The following CCDC88C variants were observed in gnomAD, a reference collection of about 807,000 sequenced individuals.
The protein encoded by CCDC88C is protein Daple.
CCDC88C carries 131 observed loss-of-function variants against 198.8 expected under a neutral mutation model. The ratio of observed to expected loss-of-function variants is 0.66; its 90% CI spans 0.57 to 0.76. The LOEUF is 0.76. Among genes scored for constraint, CCDC88C ranks in the 30% least tolerant of loss-of-function variants. CCDC88C has a pLI of 0.00. For missense variants in CCDC88C, 2,553 were observed against 2,631.6 expected, an observed-to-expected ratio of 0.97 and a Z score of 0.65; for synonymous variants, 1,166 against 1,114.7, an observed-to-expected ratio of 1.05 and a Z score of -0.92.
chr14:91,279,415 C>G, intron 27 of CCDC88C, 109 bp from the exon 28 acceptor site: 1 of 881,756 alleles, frequency 1.1e-6, no homozygotes, highest in South Asian at 1.8e-5. Flanking sequence ...CAAAGCTAAG[C>G]CCAACGCCCT....
At chr14:91,374,216 G>A (rs146921325) in intron 3 of CCDC88C, among the ~76,000 whole-genome samples, 109 of 152,256 alleles carry the variant, frequency 7.2e-4, no homozygotes, top group African/African-American at 2.5e-3. Flanking sequence ...ACTTTATTTC[G>A]AACAGCAATA....
intron 4 of CCDC88C, among the ~76,000 whole-genome samples, chr14:91,343,943 C>T (rs147759639): frequency 5.9e-5 from 9 of 152,146 alleles, no homozygotes; most frequent in African/African-American, 2.2e-4. Context: ...ACCTCAGCCT[C>T]CCTAGTAGCT....
intron 10 of CCDC88C, among the ~76,000 whole-genome samples, chr14:91,326,343 G>A (rs1340220906): frequency 6.6e-6 from 1 of 152,180 alleles, no homozygotes; most frequent in African/African-American, 2.4e-5. Flanking sequence ...CTCCCAAGTA[G>A]CTGCAATTAC....
At chr14:91,287,763 T>C (rs898598960) in intron 25 of CCDC88C, among the ~76,000 whole-genome samples, 6 of 151,738 alleles carry the variant, frequency 4.0e-5, no homozygotes, top group African/African-American at 7.3e-5. Flanking sequence ...TTCAGTGTTA[T>C]ATCCTCCGCC....
rs1413375349 is a variant in CCDC88C, at chr14:91,307,122, C to T, written c.3111G>A (p.Gly1037=). ...PAGKTAASHQ[G]KEAWGPGHKE... ...TATGGCCGGGCCCCCAGGCCTCCTTCCCCTGGTGACTGGCGGCTGTCTTCC... is the reference window on the plus strand; with the variant it reads ...TATGGCCGGGCCCCCAGGCCTCCTTTCCCTGGTGACTGGCGGCTGTCTTCC... The change falls in exon 18 of 30, where the codon GGG becomes GGA. Residue 1037 remains glycine (G), a synonymous_variant. Coordinates refer to ENST00000389857, the MANE Select transcript of CCDC88C (RefSeq NM_001080414.4). 1 of 1,613,994 alleles carries T rather than the reference C, an allele frequency of 6.2e-7. No homozygotes were observed. Among genetic ancestry groups the T allele is most frequent in the Admixed American group, 1.7e-5 (1 of 60,016 alleles).
At chr14:91,296,661 G>A (rs1202106611) in intron 22 of CCDC88C, among the ~76,000 whole-genome samples, 1 of 152,210 alleles carries the variant, frequency 6.6e-6, no homozygotes, top group African/African-American at 2.4e-5. Flanking sequence ...GGCTACTGAG[G>A]GATCTGGGCA....
chr14:91,373,924 G>A (rs922750800), intron 3 of CCDC88C, among the ~76,000 whole-genome samples: 4 of 152,134 alleles, frequency 2.6e-5, no homozygotes, highest in African/African-American at 4.8e-5. Flanking sequence ...CCCCTCCGCC[G>A]GCAATGATCA....
At position 91,417,020 on chromosome 14, in the gene CCDC88C, C is replaced by A. The variant is rs1285845; in HGVS notation, c.61-182G>T. 0.1 allele frequency: 70,991 copies of A among 690,956 alleles called. 9,104 individuals are homozygous for A. The highest frequency in any genetic ancestry group is 0.5 in the East Asian group (18,491 of 37,256). The allele number at this position is 690,956 out of a possible 1,614,324, so 42.8% of individuals were successfully genotyped here. On this transcript the variant is annotated intron_variant, in intron 1 of 29. Transcript: ENST00000389857. ...TCCTAGGGCCTGTCTCCCCTCCCCG[C>A]GCGGGGCAACAGACACGAGACAGGA... is the stretch of plus-strand genomic sequence containing the variant.
chr14:91,272,963 C>G lies in CCDC88C; in HGVS notation c.5749G>C (p.Ala1917Pro), dbSNP rs1889801569. Residue 1917 changes from alanine to proline, a missense_variant, in exon 30 of 30, where the codon GCT (alanine) becomes CCT (proline). By Grantham distance (27) the Ala-to-Pro change is conservative. Transcript: ENST00000389857. ...TGGGAGTTGCTGCCACTGCCAGCAG[C>G]AGCAGCACCAGCACCTGCAGTGGCA... ...AIATAGAGAA[A>P]AGSGSNSQLL... is the part of the protein sequence containing the mutation. The G allele has an allele frequency of 6.4e-7, 1 of 1,556,568 alleles. No individual in the cohort carries two copies. The highest frequency in any genetic ancestry group is 1.9e-5 in the Admixed American group (1 of 52,720).
At chr14:91,281,612 C>G in intron 26 of CCDC88C, 87 bp from the exon 27 acceptor site, 1 of 1,120,122 alleles carries the variant, frequency 8.9e-7, no homozygotes, top group South Asian at 1.3e-5. Flanking sequence ...GCACCCGGAT[C>G]CCAGTAGCTC....
At position 91,326,075 on chromosome 14, in the gene CCDC88C, C is replaced by T. The variant is rs145930193; in HGVS notation, c.1051-19G>A. ...TCAGCTCCTGGTTAGCAAAAACATA[C>T]ATGAGAACCATCAGATAAAGGCACC... On this transcript the variant is annotated intron_variant, in intron 10 of 29. Coordinates refer to ENST00000389857, the MANE Select transcript of CCDC88C (RefSeq NM_001080414.4). 4.1e-4 allele frequency: 656 copies of T among 1,603,460 alleles called. 2 individuals are homozygous for T. The African/African-American group carries it at 8.2e-3, about 20-fold the overall frequency.
intron 4 of CCDC88C, among the ~76,000 whole-genome samples, chr14:91,346,917 G>C (rs1184805751): frequency 1.3e-5 from 2 of 152,126 alleles, no homozygotes; most frequent in Non-Finnish European, 2.9e-5. Flanking sequence ...AGAGAGAAAA[G>C]GGAATGCCCA....
chr14:91,272,505 G>A lies in CCDC88C; in HGVS notation c.*120C>T. The A allele has an allele frequency of 9.9e-7, 1 of 1,009,234 alleles. No individual in the cohort carries two copies. The highest frequency in any genetic ancestry group is 1.6e-5 in the South Asian group (1 of 64,252). 62.5% of individuals were successfully genotyped at this position (1,009,234 alleles called of 1,614,324 possible). On this transcript the variant is annotated 3_prime_UTR_variant, in exon 30 of 30. Transcript: ENST00000389857. The stretch of plus-strand genomic sequence containing the variant: ...CACAGAACAAACAGCAGAAATGCGT[G>A]GGAACCCCTTTCCTCATTCCAAACC...
At chr14:91,416,247 A>T (rs970550805) in intron 2 of CCDC88C, among the ~76,000 whole-genome samples, 2 of 152,204 alleles carry the variant, frequency 1.3e-5, no homozygotes, top group African/African-American at 4.8e-5. Context: ...GACTTAATGA[A>T]TTGCACTTGC....
At chr14:91,409,988 A>G (rs1490793807) in intron 2 of CCDC88C, among the ~76,000 whole-genome samples, 1 of 152,200 alleles carries the variant, frequency 6.6e-6, no homozygotes, top group African/African-American at 2.4e-5. Flanking sequence ...AAGAAATGCT[A>G]AGAGACACAA....
At chr14:91,376,300 G>A (rs1363233335) in intron 3 of CCDC88C, among the ~76,000 whole-genome samples, 2 of 152,174 alleles carry the variant, frequency 1.3e-5, no homozygotes, top group South Asian at 2.1e-4. Flanking sequence ...GACCTTGGTC[G>A]CCATCTTCTG....
intron 2 of CCDC88C, among the ~76,000 whole-genome samples, chr14:91,409,927 GA>G (rs909259729): frequency 6.6e-6 from 1 of 152,218 alleles, no homozygotes; most frequent in African/African-American, 2.4e-5. Flanking sequence ...CCTATCTTGA[GA>G]AACTGGCATA....
intron 29 of CCDC88C, among the ~76,000 whole-genome samples, chr14:91,275,436 C>A (rs893381474): frequency 6.6e-6 from 1 of 152,022 alleles, no homozygotes; most frequent in Non-Finnish European, 1.5e-5. Flanking sequence ...GTGGGCCCCC[C>A]CAATTTCTGG....
chr14:91,320,140 T>C (rs79270241), intron 13 of CCDC88C, among the ~76,000 whole-genome samples: 8,505 of 151,726 alleles, frequency 0.056, 251 homozygotes, highest in Non-Finnish European at 0.065. Context: ...CTTTCTTGTA[T>C]GCTAAGATGA....
Sources: gnomAD v4.1 joint callset for allele counts (sites outside exome capture counted in the v4.1 genomes callset) on GRCh38, gnomAD v4.1.1 for gene constraint, MANE v1.5 for transcripts, NCBI Gene and HGNC (gene_info 2026-07-23, HGNC 2026-07-21) for gene names.